Variants in ORC5 observed in about 807,000 individuals in gnomAD.
ORC5 encodes the protein origin recognition complex subunit 5, also known as protein phosphatase 1, regulatory subunit 117.
ORC5 carries 39 observed loss-of-function variants against 58.8 expected under a neutral mutation model. The observed-to-expected ratio is 0.66, with a 90% CI of 0.51 to 0.87. ORC5 has a LOEUF of 0.87. Ranked by LOEUF, ORC5 falls within the 40% of genes least tolerant of loss-of-function variation. ORC5 has a pLI of 0.00. For missense variants in ORC5, 493 were observed against 506.3 expected (o/e 0.97, Z 0.25); for synonymous variants, 218 against 177.6 (o/e 1.23, Z -1.81).
Position 104,128,090 on chromosome 7 carries a change from AATTT to A in ORC5, c.1263-1201_1263-1198del, listed in dbSNP as rs1218395208. Among the ~76,000 whole-genome samples the A allele has an allele frequency of 3.0e-4, 46 of 152,318 alleles. 1 individual carries two copies. Among genetic ancestry groups the A allele is most frequent in the African/African-American group, 1.1e-3 (46 of 41,570 alleles). On this transcript the variant is annotated intron_variant, in intron 13 of 13. Transcript: ENST00000297431. ...TTTCGTTCAACTCTAGAAACACCCA[AATTT>A]ATGGGCACCAAAGTACTTTTGACAC...
chr7:104,185,696 T>G (rs908425600), intron 6 of ORC5, among the ~76,000 whole-genome samples: 2 of 152,120 alleles, frequency 1.3e-5, no homozygotes, highest in Admixed American at 1.3e-4. Context: ...AATTAACTAA[T>G]TATAACTACT....
chr7:104,207,463 C>A (rs1482601109), intron 1 of ORC5, among the ~76,000 whole-genome samples: 2 of 152,182 alleles, frequency 1.3e-5, no homozygotes, highest in East Asian at 3.9e-4. Context: ...CGCACAGAAA[C>A]GTGTGAACTT....
intron 8 of ORC5, among the ~76,000 whole-genome samples, chr7:104,182,790 T>C (rs1469585272): frequency 6.6e-6 from 1 of 152,194 alleles, no homozygotes; most frequent in Admixed American, 6.5e-5. Flanking sequence ...CATATTACTA[T>C]ACATTTTACT....
intron 8 of ORC5, among the ~76,000 whole-genome samples, chr7:104,169,694 C>A (rs545252076): frequency 2.2e-4 from 33 of 152,078 alleles, no homozygotes; most frequent in Non-Finnish European, 4.3e-4. Context: ...TGTGGGCCTT[C>A]TTTGAGTATA....
intron 3 of ORC5, among the ~76,000 whole-genome samples, chr7:104,198,847 T>C (rs565084014): frequency 2.0e-5 from 3 of 152,060 alleles, no homozygotes; most frequent in South Asian, 2.1e-4. Context: ...GAGGGAAAAA[T>C]GGTTTTGTGG....
At chr7:104,176,380 A>G (rs568139535) in intron 8 of ORC5, among the ~76,000 whole-genome samples, 1 of 152,348 alleles carries the variant, frequency 6.6e-6, no homozygotes, top group East Asian at 1.9e-4. Context: ...AAGGCTTTAC[A>G]GGGCCATTTC....
intron 8 of ORC5, among the ~76,000 whole-genome samples, chr7:104,171,725 A>T (rs1343652420): frequency 6.6e-6 from 1 of 152,148 alleles, no homozygotes; most frequent in Non-Finnish European, 1.5e-5. Flanking sequence ...GTGGTGGCGC[A>T]TGCCTATAGT....
chr7:104,198,895 G>T (rs1357960816), intron 3 of ORC5, among the ~76,000 whole-genome samples: 2 of 152,338 alleles, frequency 1.3e-5, no homozygotes, highest in Middle Eastern at 3.4e-3. Flanking sequence ...TCGGAACTTG[G>T]TGTCCTGCAT....
At chr7:104,185,799 A>AT (rs201682817) in intron 6 of ORC5, among the ~76,000 whole-genome samples, 24 of 151,902 alleles carry the variant, frequency 1.6e-4, no homozygotes, top group South Asian at 8.3e-4. Flanking sequence ...ATTTAAAAAA[A>AT]ATATATATAT....
At chr7:104,144,289 A>C (rs1798719849) in intron 12 of ORC5, among the ~76,000 whole-genome samples, 1 of 152,228 alleles carries the variant, frequency 6.6e-6, no homozygotes. Context: ...TTATTAACTT[A>C]CTAAATGAAA....
At position 104,184,006 on chromosome 7, in the gene ORC5, C is replaced by T; in HGVS notation, c.761G>A (p.Trp254Ter). The change falls in exon 8 of 14, where the codon TGG becomes TAG. Residue 254 changes from tryptophan (W) to a stop codon, truncating the protein, a stop_gained. Transcript: ENST00000297431. LOFTEE classifies it high-confidence loss of function. Reference protein sequence around the residue: ...EASERDTRKLWRNIEPHLKKA... With the variant: ...EASERDTRKL ...CTTCAAATGAGGTTCAATATTTCTC[C>T]ACAGTTTGCGAGTATCACGTTCACT... 1 of 1,613,630 alleles carries T rather than the reference C, an allele frequency of 6.2e-7. No individual in the cohort carries two copies. Among genetic ancestry groups the T allele is most frequent in the Non-Finnish European group, 8.5e-7 (1 of 1,179,804 alleles).
At chr7:104,179,520 T>A (rs1799391791) in intron 8 of ORC5, among the ~76,000 whole-genome samples, 1 of 151,688 alleles carries the variant, frequency 6.6e-6, no homozygotes. Context: ...AAAACTTTGG[T>A]CCACTATATT....
At chr7:104,139,341 T>A (rs1012038854) in intron 12 of ORC5, among the ~76,000 whole-genome samples, 2 of 152,162 alleles carry the variant, frequency 1.3e-5, no homozygotes, top group Non-Finnish European at 2.9e-5. Context: ...AAGGTGGACA[T>A]TATTATACTT....
intron 5 of ORC5, 67 bp from the exon 6 acceptor site, chr7:104,188,448 T>A: frequency 7.8e-7 from 1 of 1,274,086 alleles, no homozygotes; most frequent in Non-Finnish European, 1.1e-6. Flanking sequence ...TTCAAGCATT[T>A]TATAACAAAG....
At chr7:104,127,243 A>C (rs977851611) in intron 13 of ORC5, among the ~76,000 whole-genome samples, 1 of 152,222 alleles carries the variant, frequency 6.6e-6, no homozygotes, top group African/African-American at 2.4e-5. Flanking sequence ...TAGAGATTCA[A>C]AAGTATTTAA....
In ORC5 at chr7:104,133,195, A is replaced by T. The variant is rs1435819592; in HGVS notation, c.1262+3586T>A. ...GGTGACATTAAATTTTTATAAAATC[A>T]TTCTGGCTACAGCATGGATAATAAA... On this transcript the variant is annotated intron_variant, in intron 13 of 13. Coordinates refer to ENST00000297431, the MANE Select transcript of ORC5 (RefSeq NM_002553.4). The surrounding 1 kb of genome is among the most constrained non-coding windows in gnomAD (Gnocchi z 4.7). Among the ~76,000 whole-genome samples the T allele has an allele frequency of 6.6e-6, 1 of 152,188 alleles. No individual in the cohort carries two copies. Among genetic ancestry groups the T allele is most frequent in the Non-Finnish European group, 1.5e-5 (1 of 68,038 alleles).
chr7:104,155,273 T>C (rs1298521455), intron 12 of ORC5, among the ~76,000 whole-genome samples: 1 of 151,704 alleles, frequency 6.6e-6, no homozygotes, highest in Non-Finnish European at 1.5e-5. Flanking sequence ...TATTAAACTA[T>C]GCTACAAAAT....
chr7:104,188,055 C>T (rs1354023758), intron 6 of ORC5, 196 bp downstream of exon 6: 1 of 1,013,412 alleles, frequency 9.9e-7, no homozygotes. Context: ...TTTGTACTAA[C>T]CCACAGACAT....
At chr7:104,194,770 G>A (rs947033396) in intron 5 of ORC5, among the ~76,000 whole-genome samples, 4 of 152,002 alleles carry the variant, frequency 2.6e-5, no homozygotes, top group Non-Finnish European at 5.9e-5. Context: ...TCTTAATGTA[G>A]TGACTAAAAA....
Sources: gnomAD v4.1 joint callset for allele counts (sites outside exome capture counted in the v4.1 genomes callset) on GRCh38, gnomAD v4.1.1 for gene constraint, Gnocchi (gnomAD v3.1) non-coding constraint, MANE v1.5 for transcripts, NCBI Gene and HGNC (gene_info 2026-07-23, HGNC 2026-07-21) for gene names.